SH3TC1: variants seen among roughly 807,000 people sequenced by gnomAD.
SH3TC1 encodes SH3 domain and tetratricopeptide repeat-containing protein 1.
A neutral mutation model predicts 117.3 loss-of-function variants in SH3TC1; 135 were observed. The observed-to-expected ratio is 1.15, with a 90% CI of 1.00 to 1.33. The LOEUF (loss-of-function observed/expected upper bound fraction) is 1.33, where lower values mean the gene tolerates loss of function less well. Ranked by LOEUF, SH3TC1 falls within the 40% of genes most tolerant of loss-of-function variation. The probability of loss-of-function intolerance (pLI) is 0.00; values close to 1 mark genes in which losing one functional copy is unlikely to be tolerated. For synonymous variants in SH3TC1, 898 were observed against 816.9 expected (o/e 1.10, Z -1.69); for missense variants, 2,092 against 1,794.3 (o/e 1.17, Z -3.00).
At chr4:8,189,758 C>T (rs954380611) in intron 1 of SH3TC1, among the ~76,000 whole-genome samples, 3 of 152,134 alleles carry the variant, frequency 2.0e-5, no homozygotes, top group Non-Finnish European at 4.4e-5. Context: ...TGGCACAGGC[C>T]CTCATTCTGA....
Position 8,209,223 on chromosome 4 carries a change from A to C in SH3TC1, c.173-525A>C, listed in dbSNP as rs1171693709. ...CAAAGGGGACTTTGCAGATGTGATC[A>C]AAGGCAAGGATCTCGAGATGGAGAG... is the stretch of plus-strand genomic sequence containing the variant. On this transcript the variant is annotated intron_variant, in intron 2 of 17. Transcript: ENST00000245105. The surrounding 1 kb of genome is among the most constrained non-coding windows in gnomAD (Gnocchi z 5.9). Among the ~76,000 whole-genome samples, 2 of 152,212 alleles carry C rather than the reference A, an allele frequency of 1.3e-5. No individual in the cohort carries two copies. The highest frequency in any genetic ancestry group is 2.9e-5 in the Non-Finnish European group (2 of 68,042).
chr4:8,224,656 G>A (rs746077546), intron 10 of SH3TC1: 1 of 154,264 alleles, frequency 6.5e-6, no homozygotes, highest in African/African-American at 2.4e-5. Flanking sequence ...GCCACTTTAC[G>A]GGGGTGAAAC....
At position 8,192,466 on chromosome 4, in the gene SH3TC1, A is replaced by G; in HGVS notation, c.-57+10256A>G. Among the ~76,000 whole-genome samples, 1 of 142,422 alleles carries G rather than the reference A, an allele frequency of 7.0e-6. No individual in the cohort carries two copies. The highest frequency in any genetic ancestry group is 2.0e-4 in the East Asian group (1 of 5,102). The allele number at this position is 142,422 out of a possible 152,430, so 93.4% of individuals were successfully genotyped here. ...ACTTGTCTTTATTTTATTTTATTTT[A>G]TTTTATTTTATTTTATTTTATTTTA... On this transcript the variant is annotated intron_variant, in intron 1 of 16. Transcript: ENST00000508641. The surrounding 1 kb of genome is among the most constrained non-coding windows in gnomAD (Gnocchi z 4.1).
At chr4:8,234,914 AAC>A (rs967530823) in intron 14 of SH3TC1, among the ~76,000 whole-genome samples, 100 of 152,348 alleles carry the variant, frequency 6.6e-4, no homozygotes, top group African/African-American at 2.1e-3. Flanking sequence ...GGCTTTCCCA[AAC>A]ACAGTGTGAT....
chr4:8,207,052 T>A (rs1217337381), intron 2 of SH3TC1, among the ~76,000 whole-genome samples: 8 of 149,064 alleles, frequency 5.4e-5, no homozygotes, highest in African/African-American at 2.0e-4. Flanking sequence ...GATCTTGCCA[T>A]TTATCCCAAT....
chr4:8,203,350 A>T (rs1459723021), intron 1 of SH3TC1, among the ~76,000 whole-genome samples: 1 of 151,896 alleles, frequency 6.6e-6, no homozygotes, highest in Non-Finnish European at 1.5e-5. Flanking sequence ...CAGTTTCCCC[A>T]TCTCTGCACT....
intron 16 of SH3TC1, 146 bp downstream of exon 16, chr4:8,236,574 C>A: frequency 1.7e-6 from 2 of 1,153,320 alleles, no homozygotes; most frequent in South Asian, 1.8e-5. Context: ...GCTCCCCCGT[C>A]CGGCCGTGGG....
chr4:8,227,338 G>T lies in SH3TC1; in HGVS notation c.1644G>T (p.Gly548=), dbSNP rs1223012652. 6.2e-7 allele frequency: 1 copy of T among 1,604,198 alleles called. No homozygotes were observed. Among genetic ancestry groups the T allele is most frequent in the African/African-American group, 1.3e-5 (1 of 74,614 alleles). Residue 548 remains glycine, a synonymous_variant, in exon 12 of 18, where the codon GGG becomes GGT. Transcript: ENST00000245105. ...CTGGGCGCCTGGCACAGGCCCGGGG[G>T]GCGGCCAAGAAAGCTGGCCTCCTCA... ...ELTGRLAQAR[G]AAKKAGLLMA...
At chr4:8,201,442 A>C (rs1717835944) in intron 1 of SH3TC1, 2 of 152,370 alleles carry the variant, frequency 1.3e-5, no homozygotes, top group Admixed American at 6.5e-5. Context: ...GCCTGTTCTG[A>C]CCCATCCAGG....
In SH3TC1 at chr4:8,186,863, G is replaced by A. The variant is rs982728531; in HGVS notation, c.-57+4653G>A. ...GGAGGCTGAGGTGGGAGAATCGCTTGAACCCAGAAGGTGGAGGTTGCAGTG... is the reference window on the plus strand; with the variant it reads ...GGAGGCTGAGGTGGGAGAATCGCTTAAACCCAGAAGGTGGAGGTTGCAGTG... On this transcript the variant is annotated intron_variant, in intron 1 of 16. Coordinates refer to the SH3TC1 transcript ENST00000508641. This position sits in a 1 kb window ranked among gnomAD's most constrained non-coding sequence, Gnocchi z 5.2. Among the ~76,000 whole-genome samples the A allele has an allele frequency of 2.7e-5, 4 of 150,444 alleles. No homozygotes were observed. The highest frequency in any genetic ancestry group is 6.6e-5 in the Admixed American group (1 of 15,054).
chr4:8,212,793 G>T lies in SH3TC1; in HGVS notation c.340G>T (p.Glu114Ter). The change falls in exon 4 of 18, where the codon GAG (glutamate) becomes TAG (stop). Residue 114 changes from glutamate (E) to a stop codon, truncating the protein, a stop_gained. Coordinates refer to ENST00000245105, the MANE Select transcript of SH3TC1 (RefSeq NM_018986.5). LOFTEE classifies it high-confidence loss of function. ...CCTCCGGGGCCAGCTCCGCCTGCTG[G>T]AGAATGATAGCCGGGAGATGGCCCG... is the stretch of plus-strand genomic sequence containing the variant. The part of the protein sequence containing the change: ...QTLRGQLRLL[E>*]NDSREMARVL... The T allele has an allele frequency of 6.2e-7, 1 of 1,606,042 alleles. No individual in the cohort carries two copies.
Position 8,240,959 on chromosome 4 carries a change from C to A in SH3TC1, c.*4C>A, listed in dbSNP as rs1031896090. The A allele has an allele frequency of 1.2e-6, 2 of 1,608,158 alleles. No homozygotes were observed. Among genetic ancestry groups the A allele is most frequent in the African/African-American group, 2.7e-5 (2 of 74,934 alleles). ...GGCCCCCAGCCACCCTCGCTGAGGA[C>A]AGCATCCAAGGGAGTGGGTTTTGTG... On this transcript the variant is annotated 3_prime_UTR_variant, in exon 18 of 18. Transcript: ENST00000245105.
chr4:8,232,213 G>A (rs1300410569), intron 13 of SH3TC1, 57 bp downstream of exon 13: 6 of 1,335,774 alleles, frequency 4.5e-6, no homozygotes, highest in Admixed American at 4.8e-5. Flanking sequence ...GGGGCGGCGG[G>A]GCGGGGGCAC....
At chr4:8,232,540 A>G (rs1170481285) in intron 13 of SH3TC1, 1 of 1,368,294 alleles carries the variant, frequency 7.3e-7, no homozygotes, top group Non-Finnish European at 9.7e-7. Flanking sequence ...AAATGTGACC[A>G]CAGCAGCCAC....
At chr4:8,226,170 A>C (rs1720442691) in intron 11 of SH3TC1, among the ~76,000 whole-genome samples, 1 of 152,134 alleles carries the variant, frequency 6.6e-6, no homozygotes, top group Non-Finnish European at 1.5e-5. Context: ...TTTCCTTCCC[A>C]GTAATGTCTC....
rs979440347 is a variant in SH3TC1, at chr4:8,206,431, G to A, written c.172+1065G>A. On this transcript the variant is annotated intron_variant, in intron 2 of 17. Coordinates refer to ENST00000245105, the MANE Select transcript of SH3TC1 (RefSeq NM_018986.5). This position sits in a 1 kb window ranked among gnomAD's most constrained non-coding sequence, Gnocchi z 5.5. Reference sequence around the variant, plus strand: ...AGGGCCACGAGTGCACAAGGAGACTGAGACGCGCAGGAGGGCCCTGGCCAG... The same window carrying A: ...AGGGCCACGAGTGCACAAGGAGACTAAGACGCGCAGGAGGGCCCTGGCCAG... Among the ~76,000 whole-genome samples the A allele has an allele frequency of 6.6e-6, 1 of 152,096 alleles. No individual in the cohort carries two copies.
intron 4 of SH3TC1, chr4:8,213,343 C>A (rs1041350894): frequency 6.4e-6 from 1 of 156,956 alleles, no homozygotes; most frequent in Non-Finnish European, 1.4e-5. Flanking sequence ...ACCAGCCTGG[C>A]CTTGGCCGGT....
intron 1 of SH3TC1, chr4:8,204,952 A>C (rs1463662082): frequency 1.1e-5 from 4 of 379,904 alleles, no homozygotes; most frequent in Non-Finnish European, 1.9e-5. Context: ...GGAAGGGAGC[A>C]CAGCAAACCC....
Position 8,205,079 on chromosome 4 carries a change from T to G in SH3TC1, c.-28-88T>G. 1.8e-6 allele frequency: 2 copies of G among 1,106,846 alleles called. No individual in the cohort carries two copies. The highest frequency in any genetic ancestry group is 2.5e-6 in the Non-Finnish European group (2 of 804,314). 68.6% of individuals were successfully genotyped at this position (1,106,846 alleles called of 1,614,324 possible). The stretch of plus-strand genomic sequence containing the variant: ...GTGCAGGCGCTCAGCAACGCTGGTG[T>G]TCTCTTTCTGGACCCCAGGCCTGGA... On this transcript the variant is annotated intron_variant, in intron 1 of 17. Coordinates refer to ENST00000245105, the MANE Select transcript of SH3TC1 (RefSeq NM_018986.5). The surrounding 1 kb of genome is among the most constrained non-coding windows in gnomAD (Gnocchi z 5.4).
Sources: gnomAD v4.1 joint callset for allele counts (sites outside exome capture counted in the v4.1 genomes callset) on GRCh38, gnomAD v4.1.1 for gene constraint, Gnocchi (gnomAD v3.1) non-coding constraint, MANE v1.5 for transcripts, NCBI Gene and HGNC (gene_info 2026-07-23, HGNC 2026-07-21) for gene names.